DENND4A: variants seen among roughly 807,000 people sequenced by gnomAD.
DENND4A encodes DENN domain containing 4A, also known as C-myc promoter-binding protein.
Under a neutral mutation model 199.3 loss-of-function variants are expected in DENND4A, and 70 were observed. That is an observed-to-expected ratio of 0.35 (90% CI 0.29 to 0.43). DENND4A has a LOEUF of 0.43. Among genes scored for constraint, DENND4A ranks in the 20% least tolerant of loss-of-function variants. DENND4A has a pLI of 1.00. For synonymous variants in DENND4A, 686 were observed against 766.9 expected, an observed-to-expected ratio of 0.89 and a Z score of 1.74; for missense variants, 1,723 against 2,255.8, an observed-to-expected ratio of 0.76 and a Z score of 4.78.
intron 20 of DENND4A, among the ~76,000 whole-genome samples, chr15:65,699,433 A>T (rs2077269790): frequency 6.6e-6 from 1 of 151,918 alleles, no homozygotes; most frequent in Non-Finnish European, 1.5e-5. Context: ...CAATTGTAAT[A>T]ATAGTTAAGA....
At chr15:65,720,235 A>G (rs149164616) in intron 12 of DENND4A, among the ~76,000 whole-genome samples, 255 of 152,284 alleles carry the variant, frequency 1.7e-3, no homozygotes, top group Middle Eastern at 3.4e-3. Flanking sequence ...AATACATTCT[A>G]TTCAAATGTC....
chr15:65,678,720 C>G (rs1596408145), intron 23 of DENND4A, among the ~76,000 whole-genome samples: 2 of 152,204 alleles, frequency 1.3e-5, no homozygotes, highest in South Asian at 4.2e-4. Flanking sequence ...GAGACAGTTT[C>G]ACTGTGTCAC....
chr15:65,697,309 T>C lies in DENND4A; in HGVS notation c.2908A>G (p.Ile970Val), dbSNP rs1271560885. ...VRRGDTSTED[I>V]QEEKDKKGSD... ...CCTTTTTTATCTTTTTCTTCTTGAATGTCTTCAGTAGATGTATCCCCTCTT... is the reference window on the plus strand; with the variant it reads ...CCTTTTTTATCTTTTTCTTCTTGAACGTCTTCAGTAGATGTATCCCCTCTT... The change falls in exon 21 of 33, where the codon ATT becomes GTT. Residue 970 changes from isoleucine (I) to valine (V), a missense_variant. Ile to Val is a conservative substitution (Grantham distance 29). Transcript: ENST00000443035. 6 of 1,606,624 alleles carry C rather than the reference T, an allele frequency of 3.7e-6. No homozygotes were observed. The highest frequency in any genetic ancestry group is 5.1e-6 in the Non-Finnish European group (6 of 1,175,548).
intron 22 of DENND4A, among the ~76,000 whole-genome samples, chr15:65,694,048 G>A (rs911365946): frequency 1.3e-5 from 2 of 151,876 alleles, no homozygotes; most frequent in Non-Finnish European, 1.5e-5. Context: ...AAAAGTAAAG[G>A]CACACTAAAA....
intron 1 of DENND4A, among the ~76,000 whole-genome samples, chr15:65,791,619 C>G (rs1261067729): frequency 2.6e-5 from 4 of 152,090 alleles, no homozygotes; most frequent in Non-Finnish European, 4.4e-5. Context: ...TCTCAGATAC[C>G]GAGCAGGTGG....
At chr15:65,772,655 C>G (rs1048170793) in intron 1 of DENND4A, among the ~76,000 whole-genome samples, 1 of 129,772 alleles carries the variant, frequency 7.7e-6, no homozygotes, top group African/African-American at 3.0e-5. Flanking sequence ...TGCAGTGGGC[C>G]GAGATCGAGC....
intron 7 of DENND4A, among the ~76,000 whole-genome samples, chr15:65,735,617 T>G (rs1477432499): frequency 1.3e-5 from 2 of 152,200 alleles, no homozygotes; most frequent in Non-Finnish European, 2.9e-5. Flanking sequence ...CTAATTTTAT[T>G]AAGTTTTGGC....
At chr15:65,758,567 C>T (rs2076773330) in intron 2 of DENND4A, among the ~76,000 whole-genome samples, 1 of 152,194 alleles carries the variant, frequency 6.6e-6, no homozygotes, top group African/African-American at 2.4e-5. Context: ...CCGCCTCAGC[C>T]TCCCAAAGTG....
intron 23 of DENND4A, among the ~76,000 whole-genome samples, chr15:65,677,244 T>A (rs1215866182): frequency 1.3e-5 from 2 of 152,176 alleles, no homozygotes; most frequent in African/African-American, 4.8e-5. Context: ...CAGGGTCCAC[T>A]CTGCTTTCCA....
chr15:65,682,171 C>T (rs2076600568), intron 23 of DENND4A, among the ~76,000 whole-genome samples: 1 of 152,174 alleles, frequency 6.6e-6, no homozygotes, highest in Non-Finnish European at 1.5e-5. Context: ...AGCCTGGACG[C>T]CGGACACTGA....
At chr15:65,662,086 G>T in intron 32 of DENND4A, 99 bp from the exon 33 acceptor site, 3 of 991,766 alleles carry the variant, frequency 3.0e-6, no homozygotes, top group African/African-American at 1.6e-5. Context: ...AACATTAGAG[G>T]CCAAGAAGGA....
At chr15:65,781,525 C>T (rs1407499307) in intron 1 of DENND4A, among the ~76,000 whole-genome samples, 2 of 151,846 alleles carry the variant, frequency 1.3e-5, no homozygotes, top group African/African-American at 4.8e-5. Flanking sequence ...CAGCAGAATT[C>T]AGTAAATAAA....
chr15:65,676,149 T>A (rs1335073029), intron 24 of DENND4A, among the ~76,000 whole-genome samples: 1,526 of 144,292 alleles, frequency 0.011, 27 homozygotes, highest in Non-Finnish European at 0.014. Context: ...AAAATATATA[T>A]ATATATATAT....
At chr15:65,786,340 T>A (rs2077566111) in intron 1 of DENND4A, among the ~76,000 whole-genome samples, 1 of 152,130 alleles carries the variant, frequency 6.6e-6, no homozygotes, top group African/African-American at 2.4e-5. Context: ...CATTATACCA[T>A]GACACAATCA....
intron 4 of DENND4A, among the ~76,000 whole-genome samples, chr15:65,751,348 G>A (rs1302653904): frequency 6.6e-6 from 1 of 152,182 alleles, no homozygotes; most frequent in African/African-American, 2.4e-5. Context: ...TGCTAGATAA[G>A]GAAGACTATA....
intron 22 of DENND4A, among the ~76,000 whole-genome samples, chr15:65,692,334 C>T (rs1023536558): frequency 3.9e-5 from 6 of 152,142 alleles, no homozygotes; most frequent in Non-Finnish European, 8.8e-5. Context: ...ATACTGTTCA[C>T]TGTTTTCTAC....
At chr15:65,746,352 CA>C (rs1301068029) in intron 4 of DENND4A, among the ~76,000 whole-genome samples, 3 of 123,096 alleles carry the variant, frequency 2.4e-5, no homozygotes, top group Non-Finnish European at 5.1e-5. Flanking sequence ...CCCTTGTTAA[CA>C]ATTCTACTTT....
At chr15:65,675,578 A>T (rs2141927892) in intron 24 of DENND4A, among the ~76,000 whole-genome samples, 1 of 152,146 alleles carries the variant, frequency 6.6e-6, no homozygotes, top group South Asian at 2.1e-4. Context: ...AAAAAAAAGG[A>T]CCAACAATTA....
At chr15:65,696,043 T>C (rs1297019576) in intron 22 of DENND4A, among the ~76,000 whole-genome samples, 3 of 152,110 alleles carry the variant, frequency 2.0e-5, no homozygotes, top group Admixed American at 1.3e-4. Flanking sequence ...TATACTTCAT[T>C]TGAAACTTAA....
Sources: gnomAD v4.1 joint callset for allele counts (sites outside exome capture counted in the v4.1 genomes callset) on GRCh38, gnomAD v4.1.1 for gene constraint, MANE v1.5 for transcripts, NCBI Gene and HGNC (gene_info 2026-07-23, HGNC 2026-07-21) for gene names.